CAPN2: variants seen among roughly 807,000 people sequenced by gnomAD.
CAPN2 encodes calpain-2 catalytic subunit.
A neutral mutation model predicts 102.3 loss-of-function variants in CAPN2; 92 were observed. That is an observed-to-expected ratio of 0.90 (90% CI 0.76 to 1.07). CAPN2 has a LOEUF of 1.07. Among genes scored for constraint, CAPN2 ranks in the 50% least tolerant of loss-of-function variants. The pLI, the probability that CAPN2 is intolerant of heterozygous loss-of-function variation, is 0.00. For missense variants in CAPN2, 800 were observed against 909.4 expected, an observed-to-expected ratio of 0.88 and a Z score of 1.55; for synonymous variants, 340 against 355.4, an observed-to-expected ratio of 0.96 and a Z score of 0.49.
Position 223,755,568 on chromosome 1 carries a change from G to A in CAPN2, c.1224G>A (p.Leu408=), listed in dbSNP as rs754897634. 6.2e-7 allele frequency: 1 copy of A among 1,613,972 alleles called. No individual in the cohort carries two copies. Among genetic ancestry groups the A allele is most frequent in the Admixed American group, 1.7e-5 (1 of 60,008 alleles). ...ATGGGGAGAGCGGCTGCACCTTCCT[G>A]GTGGGGCTCATTCAGAAGCACCGAC... ...EEDGESGCTF[L]VGLIQKHRRR... is the part of the protein sequence containing the mutation. The change falls in exon 10 of 21, where the codon CTG becomes CTA. Residue 408 remains leucine (L), a synonymous_variant. Coordinates refer to ENST00000295006, the MANE Select transcript of CAPN2 (RefSeq NM_001748.5). The surrounding 1 kb of genome is among the most constrained non-coding windows in gnomAD (Gnocchi z 4.1).
At position 223,755,720 on chromosome 1, in the gene CAPN2, C is replaced by T. The variant is rs552971020; in HGVS notation, c.1305+71C>T. The stretch of plus-strand genomic sequence containing the variant: ...CTCAGCCCCTGCATGGAAAGCTGAC[C>T]CCAGAGGCAGAACTGGGGATGGGAT... On this transcript the variant is annotated intron_variant, in intron 10 of 20. Transcript: ENST00000295006. The surrounding 1 kb of genome is among the most constrained non-coding windows in gnomAD (Gnocchi z 4.1). 8.5e-5 allele frequency: 120 copies of T among 1,406,982 alleles called. No individual in the cohort carries two copies. In the African/African-American group the frequency reaches 1.6e-3, roughly 19 times the overall value. The allele number at this position is 1,406,982 out of a possible 1,614,324, so 87.2% of individuals were successfully genotyped here.
At chr1:223,738,432 A>G (rs1421645494) in intron 2 of CAPN2, among the ~76,000 whole-genome samples, 2 of 152,214 alleles carry the variant, frequency 1.3e-5, no homozygotes, top group African/African-American at 4.8e-5. Flanking sequence ...CTGGCCTCCC[A>G]AGAGCTAGAA....
At chr1:223,738,977 G>T (rs1660539361) in intron 2 of CAPN2, among the ~76,000 whole-genome samples, 1 of 152,146 alleles carries the variant, frequency 6.6e-6, no homozygotes, top group Non-Finnish European at 1.5e-5. Context: ...TGGGCCCCCG[G>T]TGAGATACCC....
chr1:223,716,322 T>C (rs1450046454), intron 1 of CAPN2, among the ~76,000 whole-genome samples: 1 of 152,204 alleles, frequency 6.6e-6, no homozygotes, highest in Non-Finnish European at 1.5e-5. Flanking sequence ...CTCAGGATTA[T>C]CAGTGTGATT....
intron 2 of CAPN2, among the ~76,000 whole-genome samples, chr1:223,724,380 G>T (rs1455430478): frequency 6.6e-6 from 1 of 152,074 alleles, no homozygotes; most frequent in Non-Finnish European, 1.5e-5. Context: ...GTGCAGTGAG[G>T]CCACTTCTAG....
At chr1:223,746,062 C>T (rs1328850698) in intron 4 of CAPN2, among the ~76,000 whole-genome samples, 1 of 152,246 alleles carries the variant, frequency 6.6e-6, no homozygotes, top group African/African-American at 2.4e-5. Context: ...ACCAGCCCCT[C>T]TCCACAATGG....
intron 16 of CAPN2, among the ~76,000 whole-genome samples, chr1:223,767,822 C>G (rs1297421993): frequency 6.7e-6 from 1 of 149,880 alleles, no homozygotes; most frequent in Non-Finnish European, 1.5e-5. Flanking sequence ...TAAAAGTGTT[C>G]CTATTTCTCC....
chr1:223,755,545 G>A lies in CAPN2; in HGVS notation c.1201G>A (p.Gly401Arg), dbSNP rs941222935. 1 of 1,614,008 alleles carries A rather than the reference G, an allele frequency of 6.2e-7. No individual in the cohort carries two copies. The highest frequency in any genetic ancestry group is 8.5e-7 in the Non-Finnish European group (1 of 1,180,032). ...GGAGGAGGATGAGGACGAGGAGGAT[G>A]GGGAGAGCGGCTGCACCTTCCTGGT... ...LEEEDEDEED[G>R]ESGCTFLVGL... The change falls in exon 10 of 21, where the codon GGG (glycine) becomes AGG (arginine). Residue 401 changes from glycine (G) to arginine (R), a missense_variant. Transcript: ENST00000295006. The surrounding 1 kb of genome is among the most constrained non-coding windows in gnomAD (Gnocchi z 4.1).
intron 2 of CAPN2, among the ~76,000 whole-genome samples, chr1:223,724,558 T>C (rs1571786248): frequency 6.6e-6 from 1 of 152,256 alleles, no homozygotes; most frequent in African/African-American, 2.4e-5. Context: ...AATAGCCACA[T>C]GTTCCTTGTG....
intron 20 of CAPN2, among the ~76,000 whole-genome samples, chr1:223,774,246 T>C (rs1571825821): frequency 6.6e-6 from 1 of 152,034 alleles, no homozygotes; most frequent in African/African-American, 2.4e-5. Context: ...CACTGGCTTT[T>C]CCTGCCACTC....
rs1201547158 is a variant in CAPN2, at chr1:223,754,635, A to G, written c.1136-845A>G. On this transcript the variant is annotated intron_variant, in intron 9 of 20. Coordinates refer to ENST00000295006, the MANE Select transcript of CAPN2 (RefSeq NM_001748.5). This position sits in a 1 kb window ranked among gnomAD's most constrained non-coding sequence, Gnocchi z 4.7. ...CATTAGGTATGGAAAGGCAATTAGC[A>G]TAATTCCCCTTAAACATGAATGAAT... 2.0e-5 allele frequency among the ~76,000 whole-genome samples: 3 copies of G among 152,248 alleles called. No homozygotes were observed. Among genetic ancestry groups the G allele is most frequent in the African/African-American group, 4.8e-5 (2 of 41,466 alleles).
intron 16 of CAPN2, among the ~76,000 whole-genome samples, chr1:223,766,959 C>CAA (rs763808349): frequency 5.5e-5 from 7 of 127,680 alleles, no homozygotes; most frequent in African/African-American, 1.4e-4. Context: ...GACTCATCGC[C>CAA]AAAAAAAAAA....
chr1:223,702,680 C>T (rs903018834), intron 1 of CAPN2, among the ~76,000 whole-genome samples: 5 of 152,132 alleles, frequency 3.3e-5, no homozygotes, highest in Non-Finnish European at 7.3e-5. Context: ...GAGAGAGAAG[C>T]AGCCCGGCCA....
At chr1:223,765,527 G>A (rs1571818272) in intron 15 of CAPN2, among the ~76,000 whole-genome samples, 1 of 151,916 alleles carries the variant, frequency 6.6e-6, no homozygotes, top group East Asian at 1.9e-4. Context: ...GTGGGGCTGG[G>A]AGGTGGGGAA....
rs1661021808 is a variant in CAPN2 at position 223,755,814 on chromosome 1, T to G, written c.1305+165T>G. Among the ~76,000 whole-genome samples the G allele has an allele frequency of 6.6e-6, 1 of 152,128 alleles. No individual in the cohort carries two copies. Among genetic ancestry groups the G allele is most frequent in the Non-Finnish European group, 1.5e-5 (1 of 68,020 alleles). On this transcript the variant is annotated intron_variant, in intron 10 of 20. Coordinates refer to ENST00000295006, the MANE Select transcript of CAPN2 (RefSeq NM_001748.5). The surrounding 1 kb of genome is among the most constrained non-coding windows in gnomAD (Gnocchi z 4.1). ...TGGCCAGGCTCAGGAGTAGCCCCCG[T>G]AGGGAGGCCCCTGCAGTGGCTCTGG...
intron 2 of CAPN2, among the ~76,000 whole-genome samples, chr1:223,737,501 C>T (rs1182853880): frequency 6.6e-6 from 1 of 152,124 alleles, no homozygotes; most frequent in African/African-American, 2.4e-5. Flanking sequence ...TGAGCAGAGT[C>T]CCCTGGGGAC....
intron 2 of CAPN2, among the ~76,000 whole-genome samples, chr1:223,740,089 C>A (rs1660575048): frequency 6.6e-6 from 1 of 152,104 alleles, no homozygotes; most frequent in Non-Finnish European, 1.5e-5. Flanking sequence ...AGGTTCTGGA[C>A]CCTCAGCTGG....
chr1:223,773,709 T>G (rs1661541660), intron 20 of CAPN2, among the ~76,000 whole-genome samples: 2 of 150,616 alleles, frequency 1.3e-5, no homozygotes, highest in African/African-American at 4.9e-5. Context: ...AAAAAAAAAT[T>G]AGCTGGGCGT....
chr1:223,773,027 T>TGAA (rs1661524101), intron 20 of CAPN2: 1 of 151,722 alleles, frequency 6.6e-6, no homozygotes, highest in Admixed American at 6.6e-5. Flanking sequence ...AACAGAGGAG[T>TGAA]GAAGTGGTGA....
Sources: gnomAD v4.1 joint callset for allele counts (sites outside exome capture counted in the v4.1 genomes callset) on GRCh38, gnomAD v4.1.1 for gene constraint, Gnocchi (gnomAD v3.1) non-coding constraint, MANE v1.5 for transcripts, NCBI Gene and HGNC (gene_info 2026-07-23, HGNC 2026-07-21) for gene names.